Variants in GON4L observed in about 807,000 individuals in gnomAD.
The protein encoded by GON4L is GON-4-like protein.
A neutral mutation model predicts 211.8 loss-of-function variants in GON4L; 87 were observed. The observed-to-expected ratio is 0.41, with a 90% CI of 0.35 to 0.49. The LOEUF (loss-of-function observed/expected upper bound fraction) is 0.49, where lower values mean the gene tolerates loss of function less well. GON4L is among the 20% of genes least tolerant of loss of function. The pLI is 0.15. For missense variants in GON4L, 2,155 were observed against 2,659.5 expected, an observed-to-expected ratio of 0.81 and a Z score of 4.17; for synonymous variants, 875 against 962.6, an observed-to-expected ratio of 0.91 and a Z score of 1.68.
rs752074715 is a variant in GON4L, at chr1:155,805,001, C to T, written c.1593G>A (p.Glu531=). The change falls in exon 11 of 32, where the codon GAG becomes GAA. Residue 531 remains glutamate, a synonymous_variant. Transcript: ENST00000368331. ...DMYDPNTADD[E]DWKMWLGGLM... ...GTCCCCCCAGCCACATCTTCCAGTC[C>T]TCATCATCTGCCGTATTGGGGTCAT... 1.9e-6 allele frequency: 3 copies of T among 1,613,932 alleles called. No homozygotes were observed. The highest frequency in any genetic ancestry group is 1.3e-5 in the African/African-American group (1 of 75,042).
chr1:155,801,611 G>A (rs1043016899), intron 11 of GON4L, among the ~76,000 whole-genome samples: 11 of 151,748 alleles, frequency 7.2e-5, no homozygotes, highest in Non-Finnish European at 1.2e-4. Flanking sequence ...TGCCAGGTGC[G>A]GTGGCTCATG....
At position 155,760,655 on chromosome 1, in the gene GON4L, CT is replaced by C; in HGVS notation, c.4912-15del. On this transcript the variant is annotated splice_polypyrimidine_tract_variant and intron_variant, in intron 23 of 31. Transcript: ENST00000368331. ...GGCTTCTCGCACCTACACGGGAAGA[CT>C]TTCAATCATCAACACCCTTTATTTG... 6.3e-7 allele frequency: 1 copy of C among 1,578,900 alleles called. No homozygotes were observed. The highest frequency in any genetic ancestry group is 8.7e-7 in the Non-Finnish European group (1 of 1,148,016).
In GON4L at chr1:155,777,603, T is replaced by G. The variant is rs1360125835; in HGVS notation, c.2091+19A>C. ...CAAAAAAAAAAATCCAATGTTAACA[T>G]GACCAAGAAAAGTCCTACCTGCTGC... is the stretch of plus-strand genomic sequence containing the variant. On this transcript the variant is annotated intron_variant, in intron 15 of 31. Transcript: ENST00000368331. The G allele has an allele frequency of 6.3e-7, 1 of 1,591,226 alleles. No individual in the cohort carries two copies. The highest frequency in any genetic ancestry group is 8.6e-7 in the Non-Finnish European group (1 of 1,159,320).
intron 1 of GON4L, among the ~76,000 whole-genome samples, chr1:155,854,273 C>T (rs1300455635): frequency 6.6e-6 from 1 of 152,194 alleles, no homozygotes; most frequent in African/African-American, 2.4e-5. Context: ...CTGCCTCAGC[C>T]TCCTGAATAG....
chr1:155,826,420 G>C (rs1309450969), intron 3 of GON4L, among the ~76,000 whole-genome samples: 2 of 151,868 alleles, frequency 1.3e-5, no homozygotes, highest in Admixed American at 6.6e-5. Context: ...CAAAAATTAA[G>C]CCGGGTGTGG....
intron 1 of GON4L, 88 bp from the exon 2 acceptor site, chr1:155,853,894 T>A: frequency 3.5e-6 from 3 of 863,860 alleles, no homozygotes; most frequent in Middle Eastern, 3.1e-4. Context: ...TCATGTTCGA[T>A]CATGAACACA....
chr1:155,811,996 A>C (rs947170629), intron 10 of GON4L, among the ~76,000 whole-genome samples: 2 of 151,972 alleles, frequency 1.3e-5, no homozygotes, highest in African/African-American at 4.8e-5. Context: ...AGGTGCAGTG[A>C]GCTGAGGTCG....
At position 155,750,662 on chromosome 1, in the gene GON4L, A is replaced by C. The variant is rs1377735401; in HGVS notation, c.6648T>G (p.Asp2216Glu). Residue 2216 changes from aspartate to glutamate, a missense_variant, in exon 32 of 32, where the codon GAT (aspartate) becomes GAG (glutamate). Asp to Glu is a conservative substitution (Grantham distance 45). Around this residue, in one of 6 missense-constraint regions of GON4L, gnomAD observed 186 missense variants for 308.1 expected, o/e 0.60. Coordinates refer to ENST00000368331, the MANE Select transcript of GON4L (RefSeq NM_001282860.2). ...TACEASSEDE[D>E]DATSTSNADQ... ...CTGCATTGCTGGTACTGGTTGCATC[A>C]TCCTCATCCTCAGAGCTGGCTTCAC... 5 of 1,581,546 alleles carry C rather than the reference A, an allele frequency of 3.2e-6. No homozygotes were observed. The Admixed American group carries it at 5.5e-5, about 17-fold the overall frequency.
rs977362000 is a variant in GON4L at position 155,763,503 on chromosome 1, G to T, written c.4535C>A (p.Ser1512Tyr). 2 of 1,550,730 alleles carry T rather than the reference G, an allele frequency of 1.3e-6. No homozygotes were observed. Among genetic ancestry groups the T allele is most frequent in the African/African-American group, 2.7e-5 (2 of 72,974 alleles). ...SERRMSQEGE[S>Y]EEENSQEENS... The stretch of plus-strand genomic sequence containing the variant: ...CTCCTCCTGAGAATTCTCTTCTTCA[G>T]ACTCACCCTCCTGACTCATGCGCCT... Residue 1512 changes from serine to tyrosine, a missense_variant, in exon 22 of 32, where the codon TCT becomes TAT. By Grantham distance (144) the Ser-to-Tyr change is moderately radical. This residue lies in a region of GON4L where 35 missense variants were observed against 73.9 expected (regional missense o/e 0.47). Coordinates refer to ENST00000368331, the MANE Select transcript of GON4L (RefSeq NM_001282860.2).
chr1:155,753,408 C>T lies in GON4L; in HGVS notation c.5638G>A (p.Asp1880Asn). ...TCCTTGCTCTTGTAGGATTTGCTGTCACAGACCTGCAGGGATGGTCTTCCG... is the reference window on the plus strand; with the variant it reads ...TCCTTGCTCTTGTAGGATTTGCTGTTACAGACCTGCAGGGATGGTCTTCCG... Reference protein sequence around the residue: ...SCSHCSSKVCDSKSYKSKEPH... With the variant: ...SCSHCSSKVCNSKSYKSKEPH... Residue 1880 changes from aspartate to asparagine, a missense_variant, in exon 29 of 32, where the codon GAC becomes AAC. By Grantham distance (23) the Asp-to-Asn change is conservative. Coordinates refer to ENST00000368331, the MANE Select transcript of GON4L (RefSeq NM_001282860.2). 1 of 1,612,694 alleles carries T rather than the reference C, an allele frequency of 6.2e-7. No homozygotes were observed.
chr1:155,750,090 C>T lies in GON4L; in HGVS notation c.*494G>A. On this transcript the variant is annotated 3_prime_UTR_variant, in exon 32 of 32. Transcript: ENST00000368331. ...CGTAGCAGAGCTGCTGCAGGAGCTA[C>T]AAAGCCTGGCCCAGTGCTACCAGGG... 2 of 919,052 alleles carry T rather than the reference C, an allele frequency of 2.2e-6. No homozygotes were observed. Among genetic ancestry groups the T allele is most frequent in the Non-Finnish European group, 3.3e-6 (2 of 612,398 alleles). The allele number at this position is 919,052 out of a possible 1,614,324, so 56.9% of individuals were successfully genotyped here.
At position 155,820,699 on chromosome 1, in the gene GON4L, C is replaced by T. The variant is rs757840381; in HGVS notation, c.964-43G>A. 8 of 1,442,940 alleles carry T rather than the reference C, an allele frequency of 5.5e-6. No homozygotes were observed. In the South Asian group the frequency reaches 6.9e-5, roughly 12 times the overall value. 89.4% of individuals were successfully genotyped at this position (1,442,940 alleles called of 1,614,324 possible). A position where few individuals can be genotyped will look rare whatever the true frequency, so the allele number is the denominator to read the frequency against. ...GAAAGGAAATCCTCAATAAAAATCA[C>T]AGCTCAGTGAGGTGGCTCATGCCTA... is the stretch of plus-strand genomic sequence containing the variant. On this transcript the variant is annotated intron_variant, in intron 5 of 31. Coordinates refer to ENST00000368331, the MANE Select transcript of GON4L (RefSeq NM_001282860.2).
At chr1:155,799,888 G>A (rs530402059) in intron 11 of GON4L, among the ~76,000 whole-genome samples, 1 of 152,290 alleles carries the variant, frequency 6.6e-6, no homozygotes, top group African/African-American at 2.4e-5. Context: ...ATTAGCCTGT[G>A]CCAAAGATAA....
chr1:155,763,024 A>C (rs893920464), intron 22 of GON4L, among the ~76,000 whole-genome samples: 1 of 152,098 alleles, frequency 6.6e-6, no homozygotes, highest in African/African-American at 2.4e-5. Context: ...CGACAGAGCA[A>C]GACTCCGTCT....
chr1:155,810,746 C>T (rs1329847080), intron 10 of GON4L, among the ~76,000 whole-genome samples: 16 of 150,786 alleles, frequency 1.1e-4, no homozygotes, highest in African/African-American at 3.9e-4. Context: ...AGGCCAGGCG[C>T]AGTGGCTCAT....
chr1:155,784,736 A>T, intron 13 of GON4L: 1 of 167,266 alleles, frequency 6.0e-6, no homozygotes, highest in Non-Finnish European at 1.3e-5. Context: ...TTTATGAAAA[A>T]GGTAATTATT....
At chr1:155,845,905 AG>A (rs1450123037) in intron 2 of GON4L, 1 of 227,296 alleles carries the variant, frequency 4.4e-6, no homozygotes, top group Non-Finnish European at 9.2e-6. Context: ...AAGACATCAA[AG>A]ACACTACAGT....
intron 10 of GON4L, among the ~76,000 whole-genome samples, chr1:155,813,294 G>A (rs1286457398): frequency 6.6e-6 from 1 of 151,830 alleles, no homozygotes; most frequent in Non-Finnish European, 1.5e-5. Flanking sequence ...TATTAGCCAG[G>A]TGTGGTGGCA....
downstream of GON4L, chr1:155,749,442 C>T (rs1341173498): frequency 1.1e-5 from 17 of 1,575,080 alleles, no homozygotes; most frequent in East Asian, 2.3e-5. Context: ...GTCAGTGTAA[C>T]GGTTGCTCCT....
Sources: gnomAD v4.1 joint callset for allele counts (sites outside exome capture counted in the v4.1 genomes callset) on GRCh38, gnomAD v4.1.1 for gene constraint, gnomAD v4.1.1 regional missense constraint, MANE v1.5 for transcripts, NCBI Gene and HGNC (gene_info 2026-07-23, HGNC 2026-07-21) for gene names.